PVT1: variants seen among roughly 807,000 people sequenced by gnomAD.
PVT1 encodes CXCR4/PVT1 fusion.
At chr8:127,988,177 G>A (rs1336502065) in intron 3 of PVT1, among the ~76,000 whole-genome samples, 14 of 152,228 alleles carry the variant, frequency 9.2e-5, no homozygotes, top group Admixed American at 7.2e-4. Flanking sequence ...CCTGCCCGCC[G>A]TTCTTGCCTG....
intron 2 of PVT1, among the ~76,000 whole-genome samples, chr8:127,862,118 A>T (rs938019230): frequency 6.6e-6 from 1 of 152,076 alleles, no homozygotes; most frequent in African/African-American, 2.4e-5. Context: ...AAAAATTTTA[A>T]CTTTTCTGGC....
intron 3 of PVT1, among the ~76,000 whole-genome samples, chr8:127,977,300 C>G (rs1816832581): frequency 6.6e-6 from 1 of 152,150 alleles, no homozygotes; most frequent in African/African-American, 2.4e-5. Flanking sequence ...GAAACTGAAG[C>G]TGGAGTCTGG....
chr8:128,048,730 C>G (rs1318991915), intron 4 of PVT1: 1 of 153,178 alleles, frequency 6.5e-6, no homozygotes, highest in East Asian at 1.9e-4. Context: ...GCTAAAAATG[C>G]CTCTCTTGAG....
intron 3 of PVT1, among the ~76,000 whole-genome samples, chr8:127,981,101 G>T (rs1328735841): frequency 6.6e-6 from 1 of 152,120 alleles, no homozygotes; most frequent in Non-Finnish European, 1.5e-5. Flanking sequence ...CAGGCTTAGA[G>T]CCCAGCTTAT....
chr8:127,836,844 C>T (rs934580682), intron 2 of PVT1, among the ~76,000 whole-genome samples: 6 of 152,126 alleles, frequency 3.9e-5, no homozygotes, highest in South Asian at 2.1e-4. Flanking sequence ...ACACGCTTGG[C>T]GCCTGCACTG....
intron 2 of PVT1, among the ~76,000 whole-genome samples, chr8:127,884,123 T>C (rs988713855): frequency 5.9e-5 from 9 of 152,212 alleles, no homozygotes; most frequent in Admixed American, 5.9e-4. Context: ...CAATAGAACA[T>C]TTCCAGCATT....
chr8:127,796,765 C>G (rs1814400938), intron 2 of PVT1, among the ~76,000 whole-genome samples: 1 of 151,978 alleles, frequency 6.6e-6, no homozygotes, highest in Non-Finnish European at 1.5e-5. Flanking sequence ...ATGGCTGCCC[C>G]TTTGCTATTT....
chr8:127,922,409 A>G (rs951343581), intron 3 of PVT1, among the ~76,000 whole-genome samples: 2 of 151,238 alleles, frequency 1.3e-5, no homozygotes, highest in African/African-American at 2.4e-5. Flanking sequence ...CCTCTCCCCC[A>G]TATGCTACAT....
intron 4 of PVT1, chr8:127,996,533 T>C (rs1817105678): frequency 6.6e-6 from 1 of 152,136 alleles, no homozygotes; most frequent in East Asian, 1.9e-4. Flanking sequence ...CCTCAAGGAC[T>C]CATACTGGCA....
At chr8:128,078,034 G>A (rs2130146050) in intron 5 of PVT1, among the ~76,000 whole-genome samples, 1 of 152,328 alleles carries the variant, frequency 6.6e-6, no homozygotes, top group Middle Eastern at 3.4e-3. Flanking sequence ...GCACTTCCAA[G>A]TCTGACTTAG....
chr8:128,046,287 A>G (rs1813611218), intron 4 of PVT1, among the ~76,000 whole-genome samples: 1 of 152,212 alleles, frequency 6.6e-6, no homozygotes, highest in Admixed American at 6.5e-5. Context: ...TAACTCATCC[A>G]GCTCACAACC....
rs1813835659 is a variant in PVT1 at position 128,061,884 on chromosome 8, C to G, written n.913-8276C>G. ...AGCATTGCACGGCATGTGACTTATG[C>G]CCGATTTTTTAAAAAAATGTACAAA... On this transcript the variant is annotated intron_variant and non_coding_transcript_variant, in intron 4 of 10. Transcript: ENST00000651587. Among the ~76,000 whole-genome samples, 3 of 152,296 alleles carry G rather than the reference C, an allele frequency of 2.0e-5. No homozygotes were observed. In the South Asian group the frequency reaches 6.2e-4, roughly 32 times the overall value.
At chr8:127,843,269 C>T (rs1006703373) in intron 2 of PVT1, among the ~76,000 whole-genome samples, 6 of 150,708 alleles carry the variant, frequency 4.0e-5, no homozygotes, top group South Asian at 2.1e-4. Context: ...TGCTTGAACC[C>T]GGGAGGTGGA....
intron 2 of PVT1, among the ~76,000 whole-genome samples, chr8:127,884,204 A>T (rs945894258): frequency 3.3e-5 from 5 of 152,146 alleles, no homozygotes; most frequent in African/African-American, 1.2e-4. Context: ...GATTAGTTTA[A>T]CCTGTTTATG....
chr8:127,837,384 T>A (rs914531626), intron 2 of PVT1, among the ~76,000 whole-genome samples: 17 of 114,184 alleles, frequency 1.5e-4, no homozygotes, highest in Non-Finnish European at 2.5e-4. Context: ...ACTGAAGCGT[T>A]TTTTGTTGTT....
intron 3 of PVT1, chr8:127,932,361 G>C (rs1816216996): frequency 2.5e-6 from 1 of 398,438 alleles, no homozygotes; most frequent in Non-Finnish European, 4.4e-6. Flanking sequence ...AATAATGAAG[G>C]CCTTCCTTGG....
chr8:127,821,761 G>T (rs1814731524), intron 2 of PVT1, among the ~76,000 whole-genome samples: 1 of 151,956 alleles, frequency 6.6e-6, no homozygotes, highest in South Asian at 2.1e-4. Context: ...GCAGTGAGCT[G>T]AGATCGCACC....
rs1296575228 is a variant in PVT1, at chr8:127,937,578, C to CAGAG, written n.782+46581_782+46582insGAGA. ...ACACACACACACACACACACACACACACAGAGAGAGAGAGAGAGAGAGAGA... is the reference window on the plus strand; with the variant it reads ...ACACACACACACACACACACACACACAGAGACAGAGAGAGAGAGAGAGAGAGAGA... On this transcript the variant is annotated intron_variant and non_coding_transcript_variant, in intron 3 of 10. Coordinates refer to ENST00000651587, the Ensembl canonical transcript of PVT1. Among the ~76,000 whole-genome samples, 612 of 119,264 alleles carry CAGAG rather than the reference C, an allele frequency of 5.1e-3. 5 individuals carry two copies. Among genetic ancestry groups the CAGAG allele is most frequent in the African/African-American group, 0.013 (417 of 31,264 alleles). The allele number at this position is 119,264 out of a possible 152,430, so 78.2% of individuals were successfully genotyped here. A position where few individuals can be genotyped will look rare whatever the true frequency, so the allele number is the denominator to read the frequency against.
At chr8:127,859,767 G>C (rs1264461796) in intron 2 of PVT1, among the ~76,000 whole-genome samples, 1 of 151,984 alleles carries the variant, frequency 6.6e-6, no homozygotes, top group East Asian at 1.9e-4. Flanking sequence ...TATTGAACCT[G>C]TCCTAGCCTC....
Sources: allele counts gnomAD v4.1 joint callset (sites outside exome capture counted in the v4.1 genomes callset), GRCh38; gene constraint gnomAD v4.1.1; transcripts MANE v1.5; gene names NCBI Gene and HGNC (gene_info 2026-07-23, HGNC 2026-07-21).